CACNA2D3: variants seen among roughly 807,000 people sequenced by gnomAD.
CACNA2D3 encodes the protein calcium voltage-gated channel auxiliary subunit alpha2delta 3.
In CACNA2D3, 60 loss-of-function variants were observed where a neutral mutation model predicts 160.6. That is an observed-to-expected ratio of 0.37 (90% CI 0.30 to 0.46). CACNA2D3 has a LOEUF of 0.46. CACNA2D3 is among the 20% of genes least tolerant of loss of function. The pLI is 1.00. For synonymous variants in CACNA2D3, 558 were observed against 492.9 expected, an observed-to-expected ratio of 1.13 and a Z score of -1.75; for missense variants, 1,205 against 1,365.0, an observed-to-expected ratio of 0.88 and a Z score of 1.85.
At chr3:54,291,281 T>A (rs1426456337) in intron 2 of CACNA2D3, among the ~76,000 whole-genome samples, 3 of 152,214 alleles carry the variant, frequency 2.0e-5, no homozygotes, top group African/African-American at 4.8e-5. Flanking sequence ...ACCACACAAA[T>A]TTAAAAAGCA....
intron 2 of CACNA2D3, among the ~76,000 whole-genome samples, chr3:54,241,947 T>C (rs962535101): frequency 6.6e-6 from 1 of 152,212 alleles, no homozygotes; most frequent in Non-Finnish European, 1.5e-5. Context: ...CAGTGAGAGT[T>C]TGTATAGTAG....
At chr3:54,787,834 T>C (rs1331615323) in intron 13 of CACNA2D3, among the ~76,000 whole-genome samples, 2 of 152,196 alleles carry the variant, frequency 1.3e-5, no homozygotes, top group African/African-American at 4.8e-5. Flanking sequence ...AAGGCAAACC[T>C]TCACAACAGG....
intron 2 of CACNA2D3, among the ~76,000 whole-genome samples, chr3:54,202,417 A>G (rs1230287903): frequency 6.6e-6 from 1 of 152,218 alleles, no homozygotes; most frequent in African/African-American, 2.4e-5. Flanking sequence ...CCCAGTTACC[A>G]CGTCTTCTTC....
intron 11 of CACNA2D3, among the ~76,000 whole-genome samples, chr3:54,660,327 A>G (rs888136848): frequency 5.3e-5 from 8 of 151,640 alleles, no homozygotes; most frequent in Admixed American, 1.3e-4. Flanking sequence ...TGCCCGGCTA[A>G]TTTTTTGTAT....
intron 27 of CACNA2D3, among the ~76,000 whole-genome samples, chr3:54,939,810 C>A (rs1444830127): frequency 6.6e-6 from 1 of 152,154 alleles, no homozygotes; most frequent in East Asian, 1.9e-4. Flanking sequence ...TGGGCCTGCT[C>A]CTGCCCTTCG....
At chr3:54,954,390 T>C (rs969807795) in intron 27 of CACNA2D3, among the ~76,000 whole-genome samples, 1 of 152,214 alleles carries the variant, frequency 6.6e-6, no homozygotes, top group Non-Finnish European at 1.5e-5. Flanking sequence ...TGCTTTCACA[T>C]TCTTCCCAGC....
intron 9 of CACNA2D3, among the ~76,000 whole-genome samples, chr3:54,585,240 T>G (rs1702739920): frequency 6.6e-6 from 1 of 152,152 alleles, no homozygotes; most frequent in Non-Finnish European, 1.5e-5. Context: ...ATTTTAAAAG[T>G]GTGAAGGGTA....
chr3:54,379,934 C>G (rs1437386992), intron 3 of CACNA2D3, among the ~76,000 whole-genome samples: 2 of 152,106 alleles, frequency 1.3e-5, no homozygotes, highest in Admixed American at 6.5e-5. Context: ...CTGGTGGTAC[C>G]TCTCCGATAC....
At chr3:54,249,960 CCT>C (rs1186721193) in intron 2 of CACNA2D3, among the ~76,000 whole-genome samples, 1 of 152,112 alleles carries the variant, frequency 6.6e-6, no homozygotes, top group East Asian at 1.9e-4. Context: ...ACCCAAGACT[CCT>C]CTGAAAATGT....
intron 2 of CACNA2D3, among the ~76,000 whole-genome samples, chr3:54,152,388 C>T (rs796717220): frequency 1.3e-5 from 2 of 151,684 alleles, no homozygotes; most frequent in African/African-American, 4.8e-5. Flanking sequence ...TAAAATGATG[C>T]TCACTTAAAA....
chr3:54,624,490 C>T (rs1275131787), intron 9 of CACNA2D3, among the ~76,000 whole-genome samples: 2 of 152,026 alleles, frequency 1.3e-5, no homozygotes, highest in African/African-American at 4.8e-5. Context: ...GGCGTGGTGG[C>T]GGGCGCCTGT....
chr3:54,894,670 G>C (rs1313106403), intron 25 of CACNA2D3: 1 of 504,654 alleles, frequency 2.0e-6, no homozygotes, highest in African/African-American at 1.9e-5. Context: ...ACCCAGGGTA[G>C]AGAGTAGCAA....
At chr3:54,809,567 C>T (rs1703242804) in intron 13 of CACNA2D3, among the ~76,000 whole-genome samples, 1 of 149,698 alleles carries the variant, frequency 6.7e-6, no homozygotes, top group Admixed American at 6.6e-5. Context: ...ATCCACCCGC[C>T]TCGGCCTCCC....
At chr3:54,331,437 G>C (rs1302302972) in intron 3 of CACNA2D3, among the ~76,000 whole-genome samples, 1 of 152,168 alleles carries the variant, frequency 6.6e-6, no homozygotes, top group Non-Finnish European at 1.5e-5. Flanking sequence ...ATGTGAAGTA[G>C]GCAGCATACT....
intron 2 of CACNA2D3, among the ~76,000 whole-genome samples, chr3:54,245,928 C>T (rs1422117177): frequency 6.6e-6 from 1 of 152,220 alleles, no homozygotes. Flanking sequence ...GAGTTCCAAG[C>T]AATCTGCCCA....
chr3:55,067,486 T>C (rs755787654), intron 35 of CACNA2D3, among the ~76,000 whole-genome samples: 6 of 152,232 alleles, frequency 3.9e-5, no homozygotes, highest in African/African-American at 7.2e-5. Flanking sequence ...CTTATCCTCG[T>C]TGAGTTTCAG....
chr3:54,315,231 CCCT>C (rs1167462126), intron 2 of CACNA2D3, among the ~76,000 whole-genome samples: 1 of 152,156 alleles, frequency 6.6e-6, no homozygotes, highest in East Asian at 1.9e-4. Flanking sequence ...GCTTGCTTTG[CCCT>C]CTCCAGGTAT....
chr3:54,431,427 A>G (rs952552914), intron 4 of CACNA2D3, among the ~76,000 whole-genome samples: 1 of 152,174 alleles, frequency 6.6e-6, no homozygotes. Context: ...AAAGGTTTTC[A>G]TCCTCATTGT....
intron 2 of CACNA2D3, among the ~76,000 whole-genome samples, chr3:54,157,666 C>G (rs1700268515): frequency 6.6e-6 from 1 of 152,112 alleles, no homozygotes; most frequent in Non-Finnish European, 1.5e-5. Flanking sequence ...TGGTGCATGC[C>G]TGTAATCCTC....
Sources: allele counts gnomAD v4.1 joint callset (sites outside exome capture counted in the v4.1 genomes callset), GRCh38; gene constraint gnomAD v4.1.1; transcripts MANE v1.5; gene names NCBI Gene and HGNC (gene_info 2026-07-23, HGNC 2026-07-21).